Variants in PLXNA2 observed in about 807,000 individuals in gnomAD.
PLXNA2 encodes the protein plexin-A2.
In PLXNA2, 91 loss-of-function variants were observed where a neutral mutation model predicts 193.5. The observed-to-expected ratio is 0.47, with a 90% CI of 0.40 to 0.56. The LOEUF (loss-of-function observed/expected upper bound fraction) is 0.56, where lower values mean the gene tolerates loss of function less well. Among genes scored for constraint, PLXNA2 ranks in the 20% least tolerant of loss-of-function variants. PLXNA2 has a pLI of 0.00. For synonymous variants in PLXNA2, 997 were observed against 1,027.3 expected (o/e 0.97, Z 0.56); for missense variants, 1,995 against 2,503.2 (o/e 0.80, Z 4.33).
rs187331695 is a variant in PLXNA2 at position 208,148,333 on chromosome 1, G to A, written c.1372-5870C>T. Among the ~76,000 whole-genome samples the A allele has an allele frequency of 2.2e-4, 34 of 152,068 alleles. No homozygotes were observed. In the East Asian group the frequency reaches 5.0e-3, roughly 23 times the overall value. On this transcript the variant is annotated intron_variant, in intron 3 of 31. Transcript: ENST00000367033. ...AGCAGAATTGGGAATCTTCTTCTTG[G>A]GTTTCTTAGTAGCAAAGAGATTGGT...
At chr1:208,101,081 G>A (rs1027533960) in intron 5 of PLXNA2, among the ~76,000 whole-genome samples, 1 of 152,214 alleles carries the variant, frequency 6.6e-6, no homozygotes. Flanking sequence ...CCTTAAGATA[G>A]CTCTAAAGTG....
At chr1:208,120,652 C>A (rs1450191300) in intron 4 of PLXNA2, among the ~76,000 whole-genome samples, 1 of 152,120 alleles carries the variant, frequency 6.6e-6, no homozygotes, top group Non-Finnish European at 1.5e-5. Context: ...CAGCCAGATG[C>A]CTTTATGTAG....
chr1:208,042,399 A>G, intron 21 of PLXNA2, 33 bp from the exon 22 acceptor site: 1 of 1,601,908 alleles, frequency 6.2e-7, no homozygotes, highest in Non-Finnish European at 8.5e-7. Context: ...CGACGCCCTC[A>G]GAGGACAGGC....
At chr1:208,102,565 T>C (rs1387909858) in intron 5 of PLXNA2, among the ~76,000 whole-genome samples, 1 of 152,256 alleles carries the variant, frequency 6.6e-6, no homozygotes, top group Non-Finnish European at 1.5e-5. Flanking sequence ...ATAGGGTCCA[T>C]GATAATTATT....
rs202071118 is a variant in PLXNA2 at position 208,054,556 on chromosome 1, C to T, written c.2739-18G>A. The T allele has an allele frequency of 6.3e-6, 10 of 1,583,088 alleles. No individual in the cohort carries two copies. The East Asian group carries it at 1.6e-4, about 25-fold the overall frequency. Reference sequence around the variant, plus strand: ...AGACAATCCTGGGGAGAAAGCAAACCTTCTGGTGAGGGACTGGGCAAGGGC... The same window carrying T: ...AGACAATCCTGGGGAGAAAGCAAACTTTCTGGTGAGGGACTGGGCAAGGGC... On this transcript the variant is annotated intron_variant, in intron 13 of 31. Coordinates refer to ENST00000367033, the MANE Select transcript of PLXNA2 (RefSeq NM_025179.4).
intron 13 of PLXNA2, among the ~76,000 whole-genome samples, chr1:208,060,439 T>G (rs1470442320): frequency 6.6e-6 from 1 of 151,684 alleles, no homozygotes; most frequent in Non-Finnish European, 1.5e-5. Flanking sequence ...AAAGACTGAA[T>G]GAGGGACGGT....
Position 208,044,653 on chromosome 1 carries a change from C to T in PLXNA2, c.3729G>A (p.Ala1243=), listed in dbSNP as rs778063342. The part of the protein sequence containing the change: ...LLTLPAIVSI[A]AGGSLLLIIV... ...TGATGAGGAGGAGGCTGCCGCCGGC[C>T]GCGATGCTGACGATGGCTGGCAGGG... Residue 1243 remains alanine (A), a synonymous_variant, in exon 20 of 32, where the codon GCG becomes GCA. Transcript: ENST00000367033. This position sits in a 1 kb window ranked among gnomAD's most constrained non-coding sequence, Gnocchi z 4.9. The T allele has an allele frequency of 1.2e-5, 20 of 1,613,922 alleles. No homozygotes were observed. Among genetic ancestry groups the T allele is most frequent in the East Asian group, 6.7e-5 (3 of 44,874 alleles).
intron 17 of PLXNA2, 76 bp from the exon 18 acceptor site, chr1:208,046,193 C>A: frequency 6.7e-7 from 1 of 1,499,406 alleles, no homozygotes; most frequent in Non-Finnish European, 9.0e-7. Flanking sequence ...CGCTCTCCCA[C>A]CCTCTCTCTG....
At chr1:208,152,152 G>C (rs1007984815) in intron 3 of PLXNA2, among the ~76,000 whole-genome samples, 3 of 152,134 alleles carry the variant, frequency 2.0e-5, no homozygotes, top group Non-Finnish European at 4.4e-5. Flanking sequence ...CACTGAGGAT[G>C]GCATTTCCAG....
In PLXNA2 at chr1:208,028,078, G is replaced by A. The variant is rs140101798; in HGVS notation, c.5520C>T (p.His1840=). 81 of 1,613,430 alleles carry A rather than the reference G, an allele frequency of 5.0e-5. No homozygotes were observed. The highest frequency in any genetic ancestry group is 3.3e-4 in the Middle Eastern group (2 of 6,062). The change falls in exon 31 of 32, where the codon CAC becomes CAT. Residue 1840 remains histidine (H), a synonymous_variant. Coordinates refer to ENST00000367033, the MANE Select transcript of PLXNA2 (RefSeq NM_025179.4). The surrounding 1 kb of genome is among the most constrained non-coding windows in gnomAD (Gnocchi z 4.2). ...CACTCAGCATGTTGAACTCCACGGC[G>A]TGCAGGCGGGACTGCTCGGCGAGGT... ...NAYLAEQSRL[H]AVEFNMLSAL...
intron 2 of PLXNA2, among the ~76,000 whole-genome samples, chr1:208,212,782 G>A (rs1010191589): frequency 6.6e-6 from 1 of 152,058 alleles, no homozygotes; most frequent in Non-Finnish European, 1.5e-5. Flanking sequence ...TTTTTACATT[G>A]TGTGCTTCTC....
chr1:208,048,433 T>A (rs1370544378), intron 17 of PLXNA2, among the ~76,000 whole-genome samples: 2 of 152,218 alleles, frequency 1.3e-5, no homozygotes, highest in East Asian at 3.9e-4. Context: ...GATGGAAATC[T>A]ACATTCCTGC....
At chr1:208,157,855 C>G (rs1470359756) in intron 3 of PLXNA2, among the ~76,000 whole-genome samples, 1 of 152,138 alleles carries the variant, frequency 6.6e-6, no homozygotes, top group Non-Finnish European at 1.5e-5. Context: ...CTTTTCTGGC[C>G]AAGAGATTCT....
intron 3 of PLXNA2, among the ~76,000 whole-genome samples, chr1:208,174,722 T>C (rs1446043162): frequency 6.6e-6 from 1 of 152,204 alleles, no homozygotes; most frequent in Non-Finnish European, 1.5e-5. Flanking sequence ...CTGCTTTCAG[T>C]TCTGAAACTC....
chr1:208,040,382 A>C, intron 22 of PLXNA2: 1 of 307,872 alleles, frequency 3.2e-6, no homozygotes, highest in Non-Finnish European at 6.1e-6. Flanking sequence ...ACAGGGCTAT[A>C]AAGAACCGGT....
At chr1:208,124,796 T>C (rs1290137961) in intron 4 of PLXNA2, among the ~76,000 whole-genome samples, 9 of 151,604 alleles carry the variant, frequency 5.9e-5, no homozygotes, top group Non-Finnish European at 1.2e-4. Flanking sequence ...TTCTTTCCTA[T>C]ACATTCAAAT....
intron 8 of PLXNA2, among the ~76,000 whole-genome samples, chr1:208,094,506 G>T (rs935773541): frequency 2.6e-5 from 4 of 152,042 alleles, no homozygotes; most frequent in Non-Finnish European, 4.4e-5. Flanking sequence ...ATCTTTGAAA[G>T]TGGTGACATC....
intron 3 of PLXNA2, among the ~76,000 whole-genome samples, chr1:208,150,008 G>C (rs1455670948): frequency 1.3e-5 from 2 of 152,214 alleles, no homozygotes; most frequent in African/African-American, 4.8e-5. Flanking sequence ...ACAGCTAGGA[G>C]CCTGGCCCTA....
At position 208,047,276 on chromosome 1, in the gene PLXNA2, A is replaced by G. The variant is rs188702242; in HGVS notation, c.3256-1159T>C. On this transcript the variant is annotated intron_variant, in intron 17 of 31. Transcript: ENST00000367033. ...GGGCCCAGCCTTCTTCAAATGTTTT[A>G]TGTAGGACCTCTCTCTCTTCTCTAA... 1.1e-4 allele frequency among the ~76,000 whole-genome samples: 10 copies of G among 92,288 alleles called. No individual in the cohort carries two copies. The East Asian group carries it at 5.6e-3, about 52-fold the overall frequency. The allele number at this position is 92,288 out of a possible 152,430, so 60.5% of individuals were successfully genotyped here.
Sources: allele counts gnomAD v4.1 joint callset (sites outside exome capture counted in the v4.1 genomes callset), GRCh38; gene constraint gnomAD v4.1.1; non-coding constraint Gnocchi (gnomAD v3.1); transcripts MANE v1.5; gene names NCBI Gene and HGNC (gene_info 2026-07-23, HGNC 2026-07-21).